Variants in PDHA1 observed in about 807,000 individuals in gnomAD.
PDHA1 encodes pyruvate dehydrogenase E1 subunit alpha 1, also known as pyruvate dehydrogenase E1 component subunit alpha, somatic form, mitochondrial.
PDHA1 carries 1 observed loss-of-function variant against 33.0 expected under a neutral mutation model. The ratio of observed to expected loss-of-function variants is 0.03; its 90% CI spans 0.01 to 0.14. The LOEUF (loss-of-function observed/expected upper bound fraction) is 0.14, where lower values mean the gene tolerates loss of function less well. PDHA1 is among the 10% of genes least tolerant of loss of function. PDHA1 has a pLI of 1.00. For synonymous variants in PDHA1, 123 were observed against 119.2 expected, an observed-to-expected ratio of 1.03 and a Z score of -0.21; for missense variants, 168 against 325.1, an observed-to-expected ratio of 0.52 and a Z score of 3.72.
intron 9 of PDHA1, among the ~76,000 whole-genome samples, chrX:19,358,366 T>C (rs1315618989): frequency 1.8e-5 from 2 of 111,841 alleles, no homozygotes. Flanking sequence ...GTAGAATCCT[T>C]TTAGTGTTAC....
At chrX:19,353,999 AGCAGTG>A (rs1317097529) in intron 5 of PDHA1, among the ~76,000 whole-genome samples, 1 of 110,904 alleles carries the variant, frequency 9.0e-6, no homozygotes, top group Non-Finnish European at 1.9e-5. Context: ...CCCAGGCTGG[AGCAGTG>A]GTGTAATCTC....
intron 3 of PDHA1, 41 bp from the exon 4 acceptor site, chrX:19,351,240 T>C (rs2063161168): frequency 1.7e-6 from 2 of 1,186,319 alleles, no homozygotes; most frequent in Non-Finnish European, 1.1e-6. Context: ...TTTAGAAACA[T>C]GTATCATATT....
chrX:19,357,634 C>T lies in PDHA1; in HGVS notation c.832-18C>T. 1.7e-6 allele frequency: 2 copies of T among 1,196,345 alleles called. No homozygotes were observed. The highest frequency in any genetic ancestry group is 2.2e-5 in the Admixed American group (1 of 46,017). ...TCATCGTTCCTAACTAACTAACTGC[C>T]TACCGGTTCTGTTTTAGGGGCCCAT... On this transcript the variant is annotated intron_variant, in intron 8 of 10. Coordinates refer to ENST00000422285, the MANE Select transcript of PDHA1 (RefSeq NM_000284.4).
chrX:19,355,547 A>G, intron 7 of PDHA1, 43 bp downstream of exon 7: 1 of 1,164,040 alleles, frequency 8.6e-7, no homozygotes, highest in East Asian at 3.0e-5. Context: ...GCCAAGGCCA[A>G]GGGTATGTCC....
rs753516995 is a variant in PDHA1, at chrX:19,361,339, C to T, written c.*1686C>T. Reference sequence around the variant, plus strand: ...ATACAAACTGTTTTGAGGCTCTTACCGTAGTCGAAGGTATCTTAGATCTTC... The same window carrying T: ...ATACAAACTGTTTTGAGGCTCTTACTGTAGTCGAAGGTATCTTAGATCTTC... On this transcript the variant is annotated 3_prime_UTR_variant, in exon 11 of 11. Coordinates refer to ENST00000422285, the MANE Select transcript of PDHA1 (RefSeq NM_000284.4). The T allele has an allele frequency of 2.9e-5, 35 of 1,196,087 alleles. No individual in the cohort carries two copies. In the South Asian group the frequency reaches 6.1e-4, roughly 21 times the overall value.
Position 19,361,468 on chromosome X carries a change from A to T in PDHA1, c.*1815A>T. ...CTGAGCAGCTGTGTAACAACAGCATAAGAATTTCTTTGTTGTAAATTTACC... is the reference window on the plus strand; with the variant it reads ...CTGAGCAGCTGTGTAACAACAGCATTAGAATTTCTTTGTTGTAAATTTACC... On this transcript the variant is annotated 3_prime_UTR_variant, in exon 11 of 11. Coordinates refer to ENST00000422285, the MANE Select transcript of PDHA1 (RefSeq NM_000284.4). The T allele has an allele frequency of 8.3e-7, 1 of 1,198,102 alleles. No homozygotes were observed. Among genetic ancestry groups the T allele is most frequent in the Non-Finnish European group, 1.1e-6 (1 of 883,811 alleles).
chrX:19,359,770 TAA>T lies in PDHA1; in HGVS notation c.*118_*119del, dbSNP rs746696047. On this transcript the variant is annotated 3_prime_UTR_variant, in exon 11 of 11. Coordinates refer to ENST00000422285, the MANE Select transcript of PDHA1 (RefSeq NM_000284.4). ...CAATGAAATTCTTGGAAACTTCCAT[TAA>T]GTGTGTAGATTGAGCAGGTAGTAAT... 3 of 671,132 alleles carry T rather than the reference TAA, an allele frequency of 4.5e-6. No individual in the cohort carries two copies. In the African/African-American group the frequency reaches 6.4e-5, roughly 14 times the overall value. 55.3% of individuals were successfully genotyped at this position (671,132 alleles called of 1,213,427 possible).
intron 1 of PDHA1, chrX:19,345,751 C>A (rs777025146): frequency 2.7e-5 from 7 of 260,873 alleles, no homozygotes; most frequent in Non-Finnish European, 4.4e-5. Context: ...AGGGTCCCCC[C>A]CCCCCCGCCA....
Position 19,356,249 on chromosome X carries a change from T to G in PDHA1, c.831+492T>G, listed in dbSNP as rs971305039. ...CAGTGTATGGCAGTGAGGGAGATGG[T>G]AAGAGGGAGACTGGCCTAAAGAGGT... On this transcript the variant is annotated intron_variant, in intron 8 of 10. Transcript: ENST00000422285. Among the ~76,000 whole-genome samples the G allele has an allele frequency of 5.4e-5, 6 of 111,786 alleles. No homozygotes were observed. In the Admixed American group the frequency reaches 5.7e-4, roughly 11 times the overall value.
intron 1 of PDHA1, chrX:19,346,713 T>G (rs377481713): frequency 5.0e-6 from 3 of 601,103 alleles, no homozygotes; most frequent in East Asian, 8.8e-5. Flanking sequence ...CAAGATTGTG[T>G]TTTTATTTTT....
chrX:19,359,456 CTAAAACCTTTTACACTG>C lies in PDHA1; in HGVS notation c.1009-31_1009-15del, dbSNP rs746833792. 5.9e-6 allele frequency: 7 copies of C among 1,176,810 alleles called. No homozygotes were observed. The Admixed American group carries it at 1.5e-4, about 26-fold the overall frequency. On this transcript the variant is annotated splice_polypyrimidine_tract_variant and intron_variant, in intron 10 of 10. Coordinates refer to ENST00000422285, the MANE Select transcript of PDHA1 (RefSeq NM_000284.4). ...GTTGGTACCTAAGCTGCTGTTCATT[CTAAAACCTTTTACACTG>C]TTACCTAATTTTTAGGAAATTGATG...
chrX:19,345,572 T>TAAAAAAAAAAAA (rs11318265), intron 1 of PDHA1, among the ~76,000 whole-genome samples: 2 of 30,263 alleles, frequency 6.6e-5, no homozygotes, highest in African/African-American at 1.9e-4. Flanking sequence ...CTCCGTATTT[T>TAAAAAAAAAAAA]AAAAAAAAAA....
chrX:19,347,261 CAG>C (rs1266894251), intron 1 of PDHA1, among the ~76,000 whole-genome samples: 1 of 112,160 alleles, frequency 8.9e-6, no homozygotes, highest in Non-Finnish European at 1.9e-5. Flanking sequence ...TCCCATTTAA[CAG>C]AGAATCTTTT....
chrX:19,345,760 C>A, intron 1 of PDHA1: 1 of 273,216 alleles, frequency 3.7e-6, no homozygotes, highest in Non-Finnish European at 7.1e-6. Context: ...CCCCCCCCGC[C>A]ACCTTACAGT....
intron 4 of PDHA1, 90 bp downstream of exon 4, chrX:19,351,497 A>G: frequency 1.2e-6 from 1 of 860,219 alleles, no homozygotes; most frequent in South Asian, 2.3e-5. Context: ...AATATTTGTT[A>G]AAAATTTTAA....
intron 1 of PDHA1, among the ~76,000 whole-genome samples, chrX:19,347,348 C>T (rs1031494076): frequency 8.9e-6 from 1 of 112,783 alleles, no homozygotes; most frequent in Non-Finnish European, 1.9e-5. Context: ...TACACACACA[C>T]TTCTGATAGG....
chrX:19,352,871 G>A, intron 4 of PDHA1: 1 of 460,267 alleles, frequency 2.2e-6, no homozygotes, highest in Non-Finnish European at 3.9e-6. Flanking sequence ...TAAGTGACTA[G>A]AGAGTAGGAA....
chrX:19,356,874 C>G (rs984592872), intron 8 of PDHA1, among the ~76,000 whole-genome samples: 1 of 112,244 alleles, frequency 8.9e-6, no homozygotes, highest in African/African-American at 3.2e-5. Flanking sequence ...ACCAAGGATC[C>G]TCAATGTTTC....
At chrX:19,358,155 C>CATCA (rs754024912) in intron 9 of PDHA1, among the ~76,000 whole-genome samples, 25 of 111,662 alleles carry the variant, frequency 2.2e-4, no homozygotes, top group Non-Finnish European at 3.9e-4. Flanking sequence ...CGTTGAAATA[C>CATCA]ATCAATCAAA....
Sources: gnomAD v4.1 joint callset for allele counts (sites outside exome capture counted in the v4.1 genomes callset) on GRCh38, gnomAD v4.1.1 for gene constraint, MANE v1.5 for transcripts, NCBI Gene and HGNC (gene_info 2026-07-23, HGNC 2026-07-21) for gene names.